Variants in FXYD6 observed in about 807,000 individuals in gnomAD.
FXYD6 encodes FXYD domain-containing ion transport regulator 6.
FXYD6 carries 7 observed loss-of-function variants against 16.7 expected under a neutral mutation model. The ratio of observed to expected loss-of-function variants is 0.42; its 90% CI spans 0.24 to 0.79. FXYD6 has a LOEUF of 0.79. Ranked by LOEUF, FXYD6 falls within the 30% of genes least tolerant of loss-of-function variation. The pLI is 0.28. For missense variants in FXYD6, 111 were observed against 116.2 expected (o/e 0.95, Z 0.21); for synonymous variants, 49 against 43.0 (o/e 1.14, Z -0.54).
At chr11:117,856,637 A>G (rs1416470637) in intron 1 of FXYD6, among the ~76,000 whole-genome samples, 1 of 152,204 alleles carries the variant, frequency 6.6e-6, no homozygotes, top group Admixed American at 6.5e-5. Context: ...TATTATATGC[A>G]AAGGGATATG....
chr11:117,865,230 A>G (rs1026610683), intron 1 of FXYD6, among the ~76,000 whole-genome samples: 1 of 152,212 alleles, frequency 6.6e-6, no homozygotes, highest in African/African-American at 2.4e-5. Flanking sequence ...GTTGGTGAGG[A>G]TGTGGAGAAA....
upstream of FXYD6, chr11:117,876,783 TC>T (rs1423280921): frequency 1.3e-5 from 2 of 151,602 alleles, no homozygotes; most frequent in Non-Finnish European, 2.9e-5. Flanking sequence ...GGGGCTGGGC[TC>T]GGGGACAGCC....
intron 1 of FXYD6, among the ~76,000 whole-genome samples, chr11:117,848,589 T>C (rs561051997): frequency 6.6e-6 from 1 of 152,302 alleles, no homozygotes; most frequent in African/African-American, 2.4e-5. Context: ...CTGGAAGAGT[T>C]TGCAGAAGAT....
rs994524313 is a variant in FXYD6, at chr11:117,872,881, C to T, written c.-6+3711G>A. Among the ~76,000 whole-genome samples, 5 of 152,168 alleles carry T rather than the reference C, an allele frequency of 3.3e-5. No homozygotes were observed. Among genetic ancestry groups the T allele is most frequent in the African/African-American group, 7.2e-5 (3 of 41,424 alleles). ...GAGATGTCCTGCCTCTCATCAGGGA[C>T]GGTGTCAGAGCACTGTGTTCCCGAC... On this transcript the variant is annotated intron_variant, in intron 1 of 7. Coordinates refer to ENST00000526014, the MANE Select transcript of FXYD6 (RefSeq NM_022003.4). The surrounding 1 kb of genome is among the most constrained non-coding windows in gnomAD (Gnocchi z 4.9).
intron 1 of FXYD6, among the ~76,000 whole-genome samples, chr11:117,858,691 CTTTCTTTCT>C: frequency 1.1e-5 from 1 of 87,954 alleles, no homozygotes; most frequent in South Asian, 5.6e-4. Context: ...TTCTTTCTTT[CTTTCTTTCT>C]TTCTCTCTCT....
intron 4 of FXYD6, 94 bp from the exon 5 acceptor site, chr11:117,841,278 C>A (rs1374112542): frequency 7.7e-6 from 12 of 1,552,274 alleles, no homozygotes; most frequent in Non-Finnish European, 1.1e-5. Context: ...GTAAATGGCA[C>A]CCCCTAGACC....
At position 117,837,459 on chromosome 11, in the gene FXYD6, T is replaced by C. The variant is rs2056225267; in HGVS notation, c.*840A>G. The C allele has an allele frequency of 6.6e-6, 1 of 152,392 alleles. No homozygotes were observed. The highest frequency in any genetic ancestry group is 2.1e-4 in the South Asian group (1 of 4,808). 9.4% of individuals were successfully genotyped at this position (152,392 alleles called of 1,614,324 possible). On this transcript the variant is annotated 3_prime_UTR_variant, in exon 8 of 8. Coordinates refer to ENST00000526014, the MANE Select transcript of FXYD6 (RefSeq NM_022003.4). The surrounding 1 kb of genome is among the most constrained non-coding windows in gnomAD (Gnocchi z 4.4). ...GCAGGGAAGGTTGGAAGGGGTAGGG[T>C]CCCAGAGCCCATGGAGTTATTGCTG...
chr11:117,852,984 T>C (rs1565319097), intron 1 of FXYD6, among the ~76,000 whole-genome samples: 1 of 152,274 alleles, frequency 6.6e-6, no homozygotes, highest in Non-Finnish European at 1.5e-5. Context: ...TTTTTGAAAT[T>C]GCCTGGGCAT....
chr11:117,841,940 G>T (rs779599083), intron 3 of FXYD6, 50 bp downstream of exon 3: 4 of 1,613,896 alleles, frequency 2.5e-6, no homozygotes, highest in African/African-American at 1.3e-5. Flanking sequence ...CTCCTGCCAG[G>T]CAGGGCTGCA....
At chr11:117,840,995 A>C (rs1349449137) in intron 5 of FXYD6, among the ~76,000 whole-genome samples, 153 bp downstream of exon 5, 1 of 152,050 alleles carries the variant, frequency 6.6e-6, no homozygotes, top group East Asian at 1.9e-4. Flanking sequence ...TCTACCTGGC[A>C]GTCCTCAAAC....
intron 1 of FXYD6, among the ~76,000 whole-genome samples, chr11:117,854,552 C>T (rs1288324778): frequency 6.6e-6 from 1 of 152,242 alleles, no homozygotes; most frequent in Non-Finnish European, 1.5e-5. Context: ...GAACAAGATA[C>T]AGCCTTAGCT....
intron 1 of FXYD6, among the ~76,000 whole-genome samples, chr11:117,858,699 CTT>C (rs369561515): frequency 0.062 from 3,950 of 64,226 alleles, 265 homozygotes; most frequent in East Asian, 0.19. Context: ...TTCTTTCTTT[CTT>C]TCTCTCTCTC....
At chr11:117,865,605 G>A (rs2056996383) in intron 1 of FXYD6, among the ~76,000 whole-genome samples, 1 of 152,158 alleles carries the variant, frequency 6.6e-6, no homozygotes, top group South Asian at 2.1e-4. Context: ...AGAGGCTGAG[G>A]AGGAACATAA....
At chr11:117,857,844 C>T (rs1184832041) in intron 1 of FXYD6, among the ~76,000 whole-genome samples, 1 of 152,090 alleles carries the variant, frequency 6.6e-6, no homozygotes. Flanking sequence ...CTTTTTAAGG[C>T]CTCCTTAGCC....
At chr11:117,857,139 G>T (rs1353096478) in intron 1 of FXYD6, among the ~76,000 whole-genome samples, 1 of 152,230 alleles carries the variant, frequency 6.6e-6, no homozygotes, top group Non-Finnish European at 1.5e-5. Context: ...ATTGGAGATG[G>T]GAGGTGACAG....
chr11:117,856,575 C>A (rs1239995816), intron 1 of FXYD6, among the ~76,000 whole-genome samples: 1 of 152,154 alleles, frequency 6.6e-6, no homozygotes, highest in African/African-American at 2.4e-5. Context: ...TTTTATGAGG[C>A]CGCAGAATGC....
rs1398732718 is a variant in FXYD6, at chr11:117,872,061, T to A, written c.-6+4531A>T. Among the ~76,000 whole-genome samples, 1 of 152,086 alleles carries A rather than the reference T, an allele frequency of 6.6e-6. No individual in the cohort carries two copies. Among genetic ancestry groups the A allele is most frequent in the Non-Finnish European group, 1.5e-5 (1 of 68,022 alleles). ...GCTTATTAATAGGCACTGGTGAGCC[T>A]GGGGAGGTTTTTGAGCAGAGGAGTG... is the stretch of plus-strand genomic sequence containing the variant. On this transcript the variant is annotated intron_variant, in intron 1 of 7. Coordinates refer to ENST00000526014, the MANE Select transcript of FXYD6 (RefSeq NM_022003.4). The surrounding 1 kb of genome is among the most constrained non-coding windows in gnomAD (Gnocchi z 4.9).
chr11:117,840,468 G>C, intron 5 of FXYD6, 100 bp from the exon 6 acceptor site: 1 of 1,520,078 alleles, frequency 6.6e-7, no homozygotes, highest in Non-Finnish European at 9.1e-7. Context: ...CTGCAGTCAG[G>C]CTCCTCCCAG....
chr11:117,874,280 G>T (rs2057204386), intron 1 of FXYD6, among the ~76,000 whole-genome samples: 2 of 152,212 alleles, frequency 1.3e-5, no homozygotes, highest in African/African-American at 2.4e-5. Flanking sequence ...AGGTCAGTCT[G>T]AAGATCCGAT....
Sources: allele counts gnomAD v4.1 joint callset (sites outside exome capture counted in the v4.1 genomes callset), GRCh38; gene constraint gnomAD v4.1.1; non-coding constraint Gnocchi (gnomAD v3.1); transcripts MANE v1.5; gene names NCBI Gene and HGNC (gene_info 2026-07-23, HGNC 2026-07-21).